Variants in SRBD1 observed in about 807,000 individuals in gnomAD.
The protein encoded by SRBD1 is S1 RNA-binding domain-containing protein 1.
Under a neutral mutation model 115.3 loss-of-function variants are expected in SRBD1, and 88 were observed. That is an observed-to-expected ratio of 0.76 (90% CI 0.64 to 0.91). The LOEUF (loss-of-function observed/expected upper bound fraction) is 0.91, where lower values mean the gene tolerates loss of function less well. Ranked by LOEUF, SRBD1 falls within the 40% of genes least tolerant of loss-of-function variation. The probability of loss-of-function intolerance (pLI) is 0.00; values close to 1 mark genes in which losing one functional copy is unlikely to be tolerated. For missense variants in SRBD1, 1,385 were observed against 1,177.4 expected (o/e 1.18, Z -2.58); for synonymous variants, 509 against 407.7 (o/e 1.25, Z -2.99).
intron 14 of SRBD1, among the ~76,000 whole-genome samples, chr2:45,539,018 TAACTC>T (rs1407041094): frequency 2.0e-5 from 3 of 152,160 alleles, no homozygotes; most frequent in East Asian, 1.9e-4. Context: ...AAGTAATTCT[TAACTC>T]AAGTGTAAAT....
intron 16 of SRBD1, among the ~76,000 whole-genome samples, chr2:45,475,435 C>A (rs1317237574): frequency 4.6e-5 from 7 of 152,250 alleles, no homozygotes; most frequent in African/African-American, 1.7e-4. Flanking sequence ...CTTGCTTAAA[C>A]CTCTTCTATT....
intron 4 of SRBD1, among the ~76,000 whole-genome samples, chr2:45,590,562 A>C (rs753372145): frequency 2.6e-5 from 4 of 152,130 alleles, no homozygotes; most frequent in Non-Finnish European, 5.9e-5. Flanking sequence ...TGTGATAATG[A>C]GTGAGTCTTA....
chr2:45,530,064 G>A (rs771191435), intron 14 of SRBD1, among the ~76,000 whole-genome samples: 1 of 151,954 alleles, frequency 6.6e-6, no homozygotes, highest in African/African-American at 2.4e-5. Context: ...TAGAAGAGTG[G>A]CCTACCAAAC....
chr2:45,544,232 CAAAAA>C (rs777800446), intron 14 of SRBD1, among the ~76,000 whole-genome samples: 2 of 72,284 alleles, frequency 2.8e-5, no homozygotes, highest in Non-Finnish European at 5.4e-5. Flanking sequence ...GACTCCGGCT[CAAAAA>C]AAAAAAAAAA....
intron 14 of SRBD1, among the ~76,000 whole-genome samples, chr2:45,490,225 G>T (rs1670251222): frequency 6.6e-6 from 1 of 152,138 alleles, no homozygotes; most frequent in Non-Finnish European, 1.5e-5. Context: ...ATTAAGAAGT[G>T]ATTTTTTCAG....
intron 1 of SRBD1, among the ~76,000 whole-genome samples, chr2:45,609,688 C>G (rs1052279023): frequency 1.3e-5 from 2 of 152,150 alleles, no homozygotes; most frequent in African/African-American, 4.8e-5. Flanking sequence ...AGTATTCTTC[C>G]CCCTGCTTGT....
chr2:45,432,895 C>G (rs1411264616), intron 16 of SRBD1, among the ~76,000 whole-genome samples: 1 of 152,182 alleles, frequency 6.6e-6, no homozygotes, highest in African/African-American at 2.4e-5. Flanking sequence ...TACTCTACCA[C>G]AAACTTCTGA....
intron 14 of SRBD1, among the ~76,000 whole-genome samples, chr2:45,545,311 A>AAAAAAAAAAAAAAAAAAC (rs1558468100): frequency 1.4e-5 from 2 of 143,628 alleles, no homozygotes; most frequent in Admixed American, 6.9e-5. Context: ...AAAAAAAAAA[A>AAAAAAAAAAAAAAAAAAC]AAAACAGATG....
chr2:45,532,658 C>A (rs917316155), intron 14 of SRBD1, among the ~76,000 whole-genome samples: 5 of 151,388 alleles, frequency 3.3e-5, no homozygotes, highest in Non-Finnish European at 5.9e-5. Context: ...TGCTATGAAG[C>A]GGAAAAGTAA....
intron 1 of SRBD1, among the ~76,000 whole-genome samples, chr2:45,606,730 T>C (rs1482440485): frequency 6.6e-6 from 1 of 152,214 alleles, no homozygotes; most frequent in East Asian, 1.9e-4. Context: ...AAAATTACTT[T>C]AGCTGTTAAG....
intron 1 of SRBD1, among the ~76,000 whole-genome samples, chr2:45,610,835 G>A (rs1321493871): frequency 1.3e-5 from 2 of 152,128 alleles, no homozygotes; most frequent in African/African-American, 4.8e-5. Context: ...GGCTGAGGCA[G>A]GCGAATGGCG....
At chr2:45,538,404 G>C (rs1671831738) in intron 14 of SRBD1, among the ~76,000 whole-genome samples, 1 of 152,150 alleles carries the variant, frequency 6.6e-6, no homozygotes, top group Admixed American at 6.6e-5. Flanking sequence ...GAATAACAAA[G>C]AGGAAAAGAG....
rs1670682495 is a variant in SRBD1 at position 45,502,964 on chromosome 2, CA to C, written c.1875-14634del. ...CCTGCCAAAGTGCTGGGATGACAGG[CA>C]TAAGCCACTGCGCCCAGCAAAAGTT... is the stretch of plus-strand genomic sequence containing the variant. On this transcript the variant is annotated intron_variant, in intron 14 of 20. Transcript: ENST00000263736. Among the ~76,000 whole-genome samples the C allele has an allele frequency of 2.0e-5, 3 of 152,150 alleles. No individual in the cohort carries two copies. The South Asian group carries it at 6.2e-4, about 32-fold the overall frequency.
chr2:45,504,828 G>A (rs1394347119), intron 14 of SRBD1, among the ~76,000 whole-genome samples: 1 of 152,052 alleles, frequency 6.6e-6, no homozygotes, highest in African/African-American at 2.4e-5. Context: ...TCACCAGTGT[G>A]TACATATGTA....
At chr2:45,408,994 G>A (rs767829966) in intron 19 of SRBD1, among the ~76,000 whole-genome samples, 1 of 152,156 alleles carries the variant, frequency 6.6e-6, no homozygotes, top group African/African-American at 2.4e-5. Context: ...AGGCCGAGTA[G>A]GACTGCCTGA....
intron 14 of SRBD1, among the ~76,000 whole-genome samples, chr2:45,513,706 T>A (rs146504072): frequency 2.6e-5 from 4 of 152,304 alleles, no homozygotes; most frequent in African/African-American, 7.2e-5. Flanking sequence ...GTATCATGTA[T>A]AATTTACGAA....
At chr2:45,546,234 A>G in intron 14 of SRBD1, 8 of 985,448 alleles carry the variant, frequency 8.1e-6, no homozygotes, top group Non-Finnish European at 8.4e-6. Context: ...AGTTATCTGT[A>G]TGCCTATATG....
chr2:45,464,875 G>GA (rs1390407936), intron 16 of SRBD1, among the ~76,000 whole-genome samples: 1 of 151,518 alleles, frequency 6.6e-6, no homozygotes, highest in Non-Finnish European at 1.5e-5. Flanking sequence ...AATAAAATAA[G>GA]AAAAAAAGGC....
intron 18 of SRBD1, among the ~76,000 whole-genome samples, chr2:45,415,417 G>GTGTATATGTGTATATACACACATATAGTC (rs1667787339): frequency 9.1e-6 from 1 of 110,492 alleles, no homozygotes; most frequent in Non-Finnish European, 1.7e-5. Flanking sequence ...CACATATAGT[G>GTGTATATGTGTATATACACACATATAGTC]TGTATATGTG....
Sources: gnomAD v4.1 joint callset for allele counts (sites outside exome capture counted in the v4.1 genomes callset) on GRCh38, gnomAD v4.1.1 for gene constraint, MANE v1.5 for transcripts, NCBI Gene and HGNC (gene_info 2026-07-23, HGNC 2026-07-21) for gene names.